The following PAXIP1 variants were observed in gnomAD, a reference collection of about 807,000 sequenced individuals.
PAXIP1 encodes the protein PAX-interacting protein 1.
PAXIP1 carries 19 observed loss-of-function variants against 140.6 expected under a neutral mutation model. The observed-to-expected ratio is 0.14, with a 90% CI of 0.09 to 0.20. The LOEUF (loss-of-function observed/expected upper bound fraction) is 0.20. Among genes scored for constraint, PAXIP1 ranks in the 10% least tolerant of loss-of-function variants. The pLI, the probability that PAXIP1 is intolerant of heterozygous loss-of-function variation, is 1.00. For missense variants in PAXIP1, 920 were observed against 1,208.6 expected (o/e 0.76, Z 3.54); for synonymous variants, 442 against 444.6 (o/e 0.99, Z 0.07).
intron 17 of PAXIP1, chr7:154,947,334 A>G (rs1191185872): frequency 6.5e-6 from 1 of 155,014 alleles, no homozygotes; most frequent in Non-Finnish European, 1.4e-5. Context: ...GAAACTGCAA[A>G]TAATTTCTAA....
intron 2 of PAXIP1, among the ~76,000 whole-genome samples, chr7:154,995,764 C>T (rs1810569641): frequency 1.3e-5 from 2 of 152,048 alleles, no homozygotes; most frequent in East Asian, 1.9e-4. Context: ...AGAGGAGAAT[C>T]GCTTGAACCC....
intron 16 of PAXIP1, chr7:154,951,356 T>A (rs1420868675): frequency 6.6e-6 from 1 of 152,328 alleles, no homozygotes; most frequent in Non-Finnish European, 1.5e-5. Context: ...CATTTCACTG[T>A]GGTGTGGGAT....
At chr7:154,980,328 A>T (rs1466492211) in intron 5 of PAXIP1, among the ~76,000 whole-genome samples, 1 of 152,190 alleles carries the variant, frequency 6.6e-6, no homozygotes, top group Non-Finnish European at 1.5e-5. Context: ...ATTACAACAG[A>T]TATACAACAT....
At position 154,971,308 on chromosome 7, in the gene PAXIP1, C is replaced by T. The variant is rs528098759; in HGVS notation, c.1075-2182G>A. 7.7e-4 allele frequency among the ~76,000 whole-genome samples: 118 copies of T among 152,338 alleles called. 1 individual carries two copies. The highest frequency in any genetic ancestry group is 6.5e-3 in the Admixed American group (99 of 15,310). The stretch of plus-strand genomic sequence containing the variant: ...GGCAACTTAACAGCTGTTTCTACTA[C>T]GGGCTTGAGTTAAGATGGGTCTTCA... On this transcript the variant is annotated intron_variant, in intron 6 of 20. Transcript: ENST00000404141.
At position 154,980,210 on chromosome 7, in the gene PAXIP1, A is replaced by AT. The variant is rs150687193; in HGVS notation, c.438+3008dup. Among the ~76,000 whole-genome samples the AT allele has an allele frequency of 8.4e-4, 128 of 152,188 alleles. No homozygotes were observed. The East Asian group carries it at 0.013, about 15-fold the overall frequency. On this transcript the variant is annotated intron_variant, in intron 5 of 20. Transcript: ENST00000404141. ...AAAAATAAAAATAAAAATAAAAGGA[A>AT]TTATTTCTAGCTTATTCAAAAATTT...
intron 12 of PAXIP1, among the ~76,000 whole-genome samples, 181 bp downstream of exon 12, chr7:154,960,712 C>T (rs995902360): frequency 2.6e-5 from 4 of 151,624 alleles, no homozygotes; most frequent in Non-Finnish European, 4.4e-5. Flanking sequence ...AACCAACCAA[C>T]AAAAATCCTG....
In PAXIP1 at chr7:155,002,992, C is replaced by A. The variant is rs1811005011; in HGVS notation, c.-63G>T. ...GCCCCGCCCACCCCCCGCCCCCGGC[C>A]CCCGCGGCGCCCGGCGCCCCCACTC... On this transcript the variant is annotated 5_prime_UTR_variant, in exon 1 of 21. Coordinates refer to ENST00000404141, the MANE Select transcript of PAXIP1 (RefSeq NM_007349.4). 1 of 688,902 alleles carries A rather than the reference C, an allele frequency of 1.5e-6. No homozygotes were observed. The highest frequency in any genetic ancestry group is 6.2e-5 in the South Asian group (1 of 16,044). The allele number at this position is 688,902 out of a possible 1,614,324, so 42.7% of individuals were successfully genotyped here.
intron 13 of PAXIP1, among the ~76,000 whole-genome samples, chr7:154,957,706 G>T (rs1340891208): frequency 6.6e-6 from 1 of 152,058 alleles, no homozygotes; most frequent in African/African-American, 2.4e-5. Flanking sequence ...GGTGGCTCAC[G>T]CCTGTAATCC....
intron 5 of PAXIP1, among the ~76,000 whole-genome samples, chr7:154,980,702 C>A (rs867172035): frequency 4.6e-5 from 7 of 152,340 alleles, no homozygotes; most frequent in Middle Eastern, 6.8e-3. Context: ...GCGTGAGCCA[C>A]CACTTCTGGC....
intron 3 of PAXIP1, among the ~76,000 whole-genome samples, chr7:154,991,313 T>C (rs183857813): frequency 6.6e-6 from 1 of 152,316 alleles, no homozygotes; most frequent in East Asian, 1.9e-4. Context: ...ATAAATCAAA[T>C]AGGCAAAGTA....
chr7:154,970,582 A>C (rs1166501175), intron 6 of PAXIP1, among the ~76,000 whole-genome samples: 1 of 152,246 alleles, frequency 6.6e-6, no homozygotes, highest in Non-Finnish European at 1.5e-5. Flanking sequence ...TCCATATTTA[A>C]AAGTATTTTT....
In PAXIP1 at chr7:154,967,894, G is replaced by C. The variant is rs1809093870; in HGVS notation, c.1815C>G (p.Phe605Leu). ...DPAVEIPEEG[F>L]LLGCVFAIAD... ...CAATTGCAAACACACATCCCAATAA[G>C]AAGCCTTCTTCTGGAACTAGAGTAA... Residue 605 changes from phenylalanine to leucine, a missense_variant, in exon 8 of 21, where the codon TTC becomes TTG. Transcript: ENST00000404141. 1 of 1,612,162 alleles carries C rather than the reference G, an allele frequency of 6.2e-7. No homozygotes were observed. Among genetic ancestry groups the C allele is most frequent in the South Asian group, 1.1e-5 (1 of 90,818 alleles).
In PAXIP1 at chr7:154,956,966, C is replaced by G. The variant is rs757107626; in HGVS notation, c.2549+258G>C. 1.3e-5 allele frequency: 4 copies of G among 311,558 alleles called. No homozygotes were observed. Among genetic ancestry groups the G allele is most frequent in the Non-Finnish European group, 1.8e-5 (3 of 171,058 alleles). The allele number at this position is 311,558 out of a possible 1,614,324, so 19.3% of individuals were successfully genotyped here. On this transcript the variant is annotated intron_variant, in intron 14 of 20. Transcript: ENST00000404141. This position sits in a 1 kb window ranked among gnomAD's most constrained non-coding sequence, Gnocchi z 4.2. ...TCCCACCCCACTTCCACCACTGCAA[C>G]TTCTGTTTTACATGTTGGAAAGGGG...
At position 154,992,110 on chromosome 7, in the gene PAXIP1, C is replaced by G. The variant is rs535049089; in HGVS notation, c.261-1041G>C. On this transcript the variant is annotated intron_variant, in intron 3 of 20. Transcript: ENST00000404141. Reference sequence around the variant, plus strand: ...TGGGGAAATATTAATAAAGGCAAATCTCAGAGTGCACTGTCTACCAGTGAG... The same window carrying G: ...TGGGGAAATATTAATAAAGGCAAATGTCAGAGTGCACTGTCTACCAGTGAG... Among the ~76,000 whole-genome samples, 3 of 152,284 alleles carry G rather than the reference C, an allele frequency of 2.0e-5. No individual in the cohort carries two copies. In the South Asian group the frequency reaches 6.2e-4, roughly 32 times the overall value.
intron 6 of PAXIP1, among the ~76,000 whole-genome samples, chr7:154,970,793 G>A (rs570787145): frequency 1.3e-5 from 2 of 152,330 alleles, no homozygotes; most frequent in South Asian, 2.1e-4. Flanking sequence ...AAACAGCAGC[G>A]AGGGGTGGGA....
intron 16 of PAXIP1, chr7:154,948,261 A>C (rs1585034073): frequency 4.8e-6 from 2 of 415,976 alleles, no homozygotes; most frequent in East Asian, 4.4e-5. Context: ...CTTGAAAAAA[A>C]CGGGCTGGGT....
chr7:154,987,641 G>A (rs1810136770), intron 4 of PAXIP1, among the ~76,000 whole-genome samples: 2 of 152,058 alleles, frequency 1.3e-5, no homozygotes, highest in South Asian at 4.1e-4. Flanking sequence ...ATCTCCCCTC[G>A]CCAATCAGGC....
intron 6 of PAXIP1, chr7:154,974,232 C>A (rs1809461737): frequency 6.6e-6 from 1 of 152,220 alleles, no homozygotes; most frequent in African/African-American, 2.4e-5. Flanking sequence ...CTGGATCCTC[C>A]CATTCATTTT....
intron 1 of PAXIP1, chr7:154,999,958 G>A (rs546388551): frequency 1.3e-5 from 2 of 152,496 alleles, no homozygotes; most frequent in Non-Finnish European, 2.9e-5. Context: ...CAGAAGCCAA[G>A]GAAGTGAGGG....
Sources: allele counts gnomAD v4.1 joint callset (sites outside exome capture counted in the v4.1 genomes callset), GRCh38; gene constraint gnomAD v4.1.1; non-coding constraint Gnocchi (gnomAD v3.1); transcripts MANE v1.5; gene names NCBI Gene and HGNC (gene_info 2026-07-23, HGNC 2026-07-21).